CDH4: variants seen among roughly 807,000 people sequenced by gnomAD.
The protein encoded by CDH4 is cadherin 4, also known as cadherin-4.
Under a neutral mutation model 86.0 loss-of-function variants are expected in CDH4, and 33 were observed. The observed-to-expected ratio is 0.38, with a 90% confidence interval of 0.29 to 0.51. CDH4 has a LOEUF of 0.51. Ranked by LOEUF, CDH4 falls within the 20% of genes least tolerant of loss-of-function variation. CDH4 has a pLI of 0.86. For missense variants in CDH4, 1,114 were observed against 1,307.4 expected, an observed-to-expected ratio of 0.85 and a Z score of 2.28; for synonymous variants, 555 against 549.4, an observed-to-expected ratio of 1.01 and a Z score of -0.14.
intron 2 of CDH4, among the ~76,000 whole-genome samples, chr20:61,346,615 G>T (rs543802564): frequency 6.6e-6 from 1 of 150,720 alleles, no homozygotes; most frequent in Non-Finnish European, 1.5e-5. Context: ...GTGGTGGCAC[G>T]TGCCTGTAGT....
chr20:61,868,684 C>T (rs1448580762), intron 6 of CDH4, among the ~76,000 whole-genome samples: 1 of 152,050 alleles, frequency 6.6e-6, no homozygotes, highest in Non-Finnish European at 1.5e-5. Flanking sequence ...CCACACTGGC[C>T]GGGTGTCCCT....
At chr20:61,506,199 G>A (rs1379186943) in intron 2 of CDH4, among the ~76,000 whole-genome samples, 2 of 152,212 alleles carry the variant, frequency 1.3e-5, no homozygotes, top group African/African-American at 4.8e-5. Flanking sequence ...GTATGCATTC[G>A]GTGGAGAGTA....
intron 2 of CDH4, among the ~76,000 whole-genome samples, chr20:61,335,907 A>T (rs1338103322): frequency 6.6e-6 from 1 of 152,168 alleles, no homozygotes; most frequent in East Asian, 1.9e-4. Flanking sequence ...ATCCAGGTTG[A>T]CGCAAGGATC....
intron 2 of CDH4, among the ~76,000 whole-genome samples, chr20:61,512,601 C>T (rs1031064566): frequency 2.0e-5 from 3 of 152,222 alleles, no homozygotes; most frequent in Non-Finnish European, 4.4e-5. Flanking sequence ...GGGGAAACAT[C>T]ATTTCATAAG....
intron 2 of CDH4, among the ~76,000 whole-genome samples, chr20:61,730,575 A>C (rs1051128484): frequency 1.3e-5 from 2 of 152,074 alleles, no homozygotes; most frequent in Non-Finnish European, 2.9e-5. Flanking sequence ...TGCCAAAGTC[A>C]CCTGGTTGGA....
chr20:61,462,458 A>G (rs1350881023), intron 2 of CDH4, among the ~76,000 whole-genome samples: 2 of 152,194 alleles, frequency 1.3e-5, no homozygotes, highest in African/African-American at 2.4e-5. Context: ...TCACCTGGTA[A>G]ATCAAGGGGG....
intron 3 of CDH4, among the ~76,000 whole-genome samples, chr20:61,744,594 A>G (rs915970376): frequency 8.3e-5 from 10 of 120,348 alleles, no homozygotes; most frequent in African/African-American, 2.7e-4. Flanking sequence ...GGAGGGAGAG[A>G]GAGAGACAGA....
intron 2 of CDH4, among the ~76,000 whole-genome samples, chr20:61,342,079 T>G (rs1600883013): frequency 1.3e-5 from 2 of 152,226 alleles, no homozygotes; most frequent in African/African-American, 4.8e-5. Context: ...CAGCCGTGCA[T>G]GTAGGGTCTG....
chr20:61,814,898 A>G (rs373238725), intron 4 of CDH4, among the ~76,000 whole-genome samples: 2 of 152,302 alleles, frequency 1.3e-5, no homozygotes, highest in African/African-American at 4.8e-5. Flanking sequence ...TCTCCACAGC[A>G]TGAATTCCAT....
chr20:61,936,334 CTCCACCTTCCCCCACA>C, intron 15 of CDH4, among the ~76,000 whole-genome samples: 3 of 58,790 alleles, frequency 5.1e-5, no homozygotes, highest in Admixed American at 1.7e-4. Context: ...TCTCCCACAC[CTCCACCTTCCCCCACA>C]CCCCTTCCCC....
intron 2 of CDH4, among the ~76,000 whole-genome samples, chr20:61,385,594 G>C (rs1247252185): frequency 6.6e-6 from 1 of 152,070 alleles, no homozygotes; most frequent in Non-Finnish European, 1.5e-5. Context: ...ATTGCCAAAC[G>C]CGTGACTAGC....
chr20:61,817,300 G>A (rs62206304), intron 4 of CDH4, among the ~76,000 whole-genome samples: 62,593 of 151,946 alleles, frequency 0.41, 15,735 homozygotes, highest in Non-Finnish European at 0.57. Flanking sequence ...GCTAGGTCCC[G>A]GGCTGCACCC....
intron 8 of CDH4, among the ~76,000 whole-genome samples, chr20:61,899,355 A>G (rs1193151493): frequency 6.6e-6 from 1 of 152,086 alleles, no homozygotes; most frequent in Non-Finnish European, 1.5e-5. Flanking sequence ...ATGATAAGAC[A>G]TATTTTGTTT....
intron 2 of CDH4, among the ~76,000 whole-genome samples, chr20:61,305,778 G>A (rs527758015): frequency 5.9e-5 from 9 of 152,318 alleles, no homozygotes; most frequent in African/African-American, 2.2e-4. Flanking sequence ...GAAAGATGCT[G>A]CCACATCACA....
At position 61,928,290 on chromosome 20, in the gene CDH4, G is replaced by A; in HGVS notation, c.1872G>A (p.Glu624=). The part of the protein sequence containing the change: ...ELLPKEAQIC[E]KPNLNAINIT... Reference sequence around the variant, plus strand: ...TGCCCAAGGAGGCGCAGATCTGCGAGAAGCCCAACCTGAACGCCATCAACA... The same window carrying A: ...TGCCCAAGGAGGCGCAGATCTGCGAAAAGCCCAACCTGAACGCCATCAACA... The change falls in exon 12 of 16, where the codon GAG becomes GAA. Residue 624 remains glutamate, a synonymous_variant. Coordinates refer to ENST00000614565, the MANE Select transcript of CDH4 (RefSeq NM_001794.5). 6.2e-7 allele frequency: 1 copy of A among 1,610,534 alleles called. No individual in the cohort carries two copies. Among genetic ancestry groups the A allele is most frequent in the African/African-American group, 1.3e-5 (1 of 75,060 alleles).
intron 2 of CDH4, among the ~76,000 whole-genome samples, chr20:61,741,990 A>C (rs2088345287): frequency 6.6e-6 from 1 of 152,180 alleles, no homozygotes; most frequent in Admixed American, 6.5e-5. Flanking sequence ...CTCAGCAATC[A>C]CAGCACTGTC....
intron 8 of CDH4, among the ~76,000 whole-genome samples, chr20:61,906,042 A>G (rs2054784869): frequency 6.6e-6 from 1 of 152,102 alleles, no homozygotes; most frequent in South Asian, 2.1e-4. Context: ...AACCAACCCA[A>G]CACCTTCAGA....
intron 4 of CDH4, among the ~76,000 whole-genome samples, chr20:61,819,699 C>A (rs1980917486): frequency 6.6e-6 from 1 of 152,216 alleles, no homozygotes; most frequent in Non-Finnish European, 1.5e-5. Context: ...GCTCTAAGCC[C>A]CCTGCCAGGC....
chr20:61,654,922 TGAGCCAGCCTCGCTCTGGACAGGGACAC>T (rs1478775902), intron 2 of CDH4, among the ~76,000 whole-genome samples: 2 of 62,232 alleles, frequency 3.2e-5, no homozygotes. Flanking sequence ...CACGGGGGCC[TGAGCCAGCCTCGCTCTGGACAGGGACAC>T]GGGGGCCTGA....
Sources: gnomAD v4.1 joint callset for allele counts (sites outside exome capture counted in the v4.1 genomes callset) on GRCh38, gnomAD v4.1.1 for gene constraint, MANE v1.5 for transcripts, NCBI Gene and HGNC (gene_info 2026-07-23, HGNC 2026-07-21) for gene names.